The following MNAT1 variants were observed in gnomAD, a reference collection of about 807,000 sequenced individuals.
The protein encoded by MNAT1 is MNAT1 component of CDK activating kinase, also known as CDK-activating kinase assembly factor MAT1.
MNAT1 carries 43 observed loss-of-function variants against 42.0 expected under a neutral mutation model. The ratio of observed to expected loss-of-function variants is 1.02; its 90% confidence interval spans 0.80 to 1.32. The LOEUF (loss-of-function observed/expected upper bound fraction) is 1.32. MNAT1 is among the 40% of genes most tolerant of loss of function. The pLI, the probability that MNAT1 is intolerant of heterozygous loss-of-function variation, is 0.00. For missense variants in MNAT1, 306 were observed against 350.4 expected, an observed-to-expected ratio of 0.87 and a Z score of 1.01; for synonymous variants, 118 against 120.0, an observed-to-expected ratio of 0.98 and a Z score of 0.11.
At chr14:60,941,207 A>T (rs1197444678) in intron 7 of MNAT1, among the ~76,000 whole-genome samples, 1 of 152,204 alleles carries the variant, frequency 6.6e-6, no homozygotes, top group African/African-American at 2.4e-5. Context: ...TTTGTTCCTC[A>T]TCTGGAAATA....
chr14:60,794,302 T>C (rs1027674584), intron 1 of MNAT1, among the ~76,000 whole-genome samples: 3 of 152,124 alleles, frequency 2.0e-5, no homozygotes, highest in Admixed American at 2.0e-4. Flanking sequence ...ATCTGGGGTT[T>C]AGTTGATCTT....
chr14:60,768,010 T>C (rs906882682), intron 1 of MNAT1, among the ~76,000 whole-genome samples: 2 of 152,176 alleles, frequency 1.3e-5, no homozygotes, highest in Admixed American at 1.3e-4. Flanking sequence ...ATGATCTGCC[T>C]GCCTCGGCCT....
At chr14:60,900,372 C>T (rs1259542581) in intron 7 of MNAT1, among the ~76,000 whole-genome samples, 1 of 152,206 alleles carries the variant, frequency 6.6e-6, no homozygotes, top group East Asian at 1.9e-4. Flanking sequence ...GAAAGCAAAA[C>T]AGCCTGATTG....
intron 1 of MNAT1, among the ~76,000 whole-genome samples, chr14:60,791,692 A>G (rs1470140543): frequency 1.3e-5 from 2 of 152,172 alleles, no homozygotes; most frequent in Non-Finnish European, 2.9e-5. Context: ...AAATCCATGT[A>G]TGCAAATAAG....
chr14:60,751,181 C>CT (rs916360147), intron 1 of MNAT1, among the ~76,000 whole-genome samples: 3 of 151,508 alleles, frequency 2.0e-5, no homozygotes, highest in African/African-American at 7.3e-5. Context: ...GCTCCAGTCT[C>CT]TTTTTTTGTG....
chr14:60,764,337 A>G (rs1445037389), intron 1 of MNAT1, among the ~76,000 whole-genome samples: 2 of 152,082 alleles, frequency 1.3e-5, no homozygotes, highest in African/African-American at 2.4e-5. Flanking sequence ...GATCAATGCC[A>G]TTTTTCTTCA....
chr14:60,857,286 A>G (rs1473271679), intron 6 of MNAT1, among the ~76,000 whole-genome samples: 4 of 152,260 alleles, frequency 2.6e-5, no homozygotes, highest in African/African-American at 7.2e-5. Context: ...GTTAATTCCA[A>G]CCCCCATGGA....
chr14:60,869,070 C>T (rs557197393), intron 6 of MNAT1, among the ~76,000 whole-genome samples: 8 of 100,436 alleles, frequency 8.0e-5, no homozygotes, highest in Non-Finnish European at 1.6e-4. Flanking sequence ...GACGGAGTCT[C>T]GCTCTGTTGC....
chr14:60,831,824 C>A (rs1193150683), intron 6 of MNAT1, among the ~76,000 whole-genome samples: 1 of 152,080 alleles, frequency 6.6e-6, no homozygotes, highest in Admixed American at 6.6e-5. Flanking sequence ...TTTCTCCACA[C>A]CCTCTCTAGC....
intron 1 of MNAT1, among the ~76,000 whole-genome samples, chr14:60,746,591 G>A (rs780448588): frequency 2.1e-4 from 31 of 150,620 alleles, no homozygotes; most frequent in African/African-American, 5.1e-4. Flanking sequence ...AAAACTATTC[G>A]TATTAGCTGT....
At chr14:60,947,618 G>T (rs565049679) in intron 7 of MNAT1, among the ~76,000 whole-genome samples, 42 of 152,288 alleles carry the variant, frequency 2.8e-4, no homozygotes, top group African/African-American at 9.1e-4. Context: ...GGGAGGCAGA[G>T]GTTGCAGTAA....
intron 1 of MNAT1, among the ~76,000 whole-genome samples, chr14:60,782,939 C>G (rs1051884873): frequency 6.6e-6 from 1 of 152,174 alleles, no homozygotes; most frequent in Non-Finnish European, 1.5e-5. Flanking sequence ...TCTTTCCTAA[C>G]TATATAATAC....
chr14:60,856,515 A>G (rs535373534), intron 6 of MNAT1, among the ~76,000 whole-genome samples: 10 of 152,334 alleles, frequency 6.6e-5, no homozygotes, highest in African/African-American at 2.4e-4. Flanking sequence ...CATATTTTTC[A>G]GTGTAGATTA....
intron 7 of MNAT1, among the ~76,000 whole-genome samples, chr14:60,903,815 C>T (rs916665496): frequency 2.7e-5 from 4 of 148,758 alleles, no homozygotes; most frequent in East Asian, 2.0e-4. Flanking sequence ...ATGGTGAAAA[C>T]GTAGTTGTTT....
intron 5 of MNAT1, among the ~76,000 whole-genome samples, chr14:60,816,700 G>A (rs968037794): frequency 6.6e-6 from 1 of 151,968 alleles, no homozygotes; most frequent in Non-Finnish European, 1.5e-5. Context: ...ATTCCCCAGA[G>A]CATGCATGTT....
intron 7 of MNAT1, among the ~76,000 whole-genome samples, chr14:60,965,483 C>T (rs1272239026): frequency 6.6e-6 from 1 of 152,194 alleles, no homozygotes; most frequent in Non-Finnish European, 1.5e-5. Context: ...GCCAGCAGTG[C>T]AGCTGTTTCA....
chr14:60,780,974 T>G (rs941565116), intron 1 of MNAT1, among the ~76,000 whole-genome samples: 5 of 152,208 alleles, frequency 3.3e-5, no homozygotes, highest in African/African-American at 1.2e-4. Context: ...GATATTTAAT[T>G]ATAAAATACA....
chr14:60,902,467 C>T (rs1017349911), intron 7 of MNAT1, among the ~76,000 whole-genome samples: 1 of 152,118 alleles, frequency 6.6e-6, no homozygotes, highest in Non-Finnish European at 1.5e-5. Flanking sequence ...CATTTTTATA[C>T]ATTTATACTT....
intron 7 of MNAT1, among the ~76,000 whole-genome samples, chr14:60,948,516 A>T (rs1036222446): frequency 6.6e-6 from 1 of 152,126 alleles, no homozygotes; most frequent in Admixed American, 6.5e-5. Flanking sequence ...GTCATTGTAG[A>T]GTTTTTTCAT....
Sources: gnomAD v4.1 joint callset for allele counts (sites outside exome capture counted in the v4.1 genomes callset) on GRCh38, gnomAD v4.1.1 for gene constraint, MANE v1.5 for transcripts, NCBI Gene and HGNC (gene_info 2026-07-23, HGNC 2026-07-21) for gene names.